Variants in PARD3B observed in about 807,000 individuals in gnomAD.
The protein encoded by PARD3B is par-3 family cell polarity regulator beta, also known as partitioning defective 3 homolog B.
A neutral mutation model predicts 130.2 loss-of-function variants in PARD3B; 103 were observed. The observed-to-expected ratio is 0.79, with a 90% CI of 0.67 to 0.93. The LOEUF is 0.93. Among genes scored for constraint, PARD3B ranks in the 40% least tolerant of loss-of-function variants. The pLI, the probability that PARD3B is intolerant of heterozygous loss-of-function variation, is 0.00. For missense variants in PARD3B, 1,609 were observed against 1,499.2 expected, an observed-to-expected ratio of 1.07 and a Z score of -1.21; for synonymous variants, 583 against 553.2, an observed-to-expected ratio of 1.05 and a Z score of -0.76.
chr2:205,140,886 A>T (rs992821152), intron 10 of PARD3B, among the ~76,000 whole-genome samples: 1 of 152,308 alleles, frequency 6.6e-6, no homozygotes, highest in Admixed American at 6.5e-5. Context: ...AGGCATCTGA[A>T]CATACAGTCT....
chr2:204,608,739 C>T (rs1318146344), intron 1 of PARD3B, among the ~76,000 whole-genome samples: 2 of 152,162 alleles, frequency 1.3e-5, no homozygotes, highest in Non-Finnish European at 2.9e-5. Flanking sequence ...CCCCCTCCTC[C>T]CTGCTCCTGC....
intron 21 of PARD3B, among the ~76,000 whole-genome samples, chr2:205,505,246 G>T (rs184978313): frequency 2.6e-5 from 4 of 151,912 alleles, no homozygotes; most frequent in Admixed American, 2.0e-4. Context: ...GTTGTGGGGT[G>T]GGGGGAGTGG....
chr2:205,411,474 G>A (rs1042945425), intron 19 of PARD3B, among the ~76,000 whole-genome samples: 1 of 152,116 alleles, frequency 6.6e-6, no homozygotes, highest in Non-Finnish European at 1.5e-5. Context: ...CAAGTCTCAT[G>A]TGTTAAATGA....
intron 18 of PARD3B, among the ~76,000 whole-genome samples, chr2:205,359,760 A>T (rs2044321565): frequency 6.6e-6 from 1 of 152,108 alleles, no homozygotes; most frequent in African/African-American, 2.4e-5. Context: ...CATATTATAT[A>T]GTATGTATAT....
intron 21 of PARD3B, among the ~76,000 whole-genome samples, chr2:205,528,477 G>A (rs1036921222): frequency 2.0e-4 from 30 of 151,902 alleles, no homozygotes; most frequent in African/African-American, 5.3e-4. Context: ...TCTTCTCTTC[G>A]TGTCAGACAT....
intron 20 of PARD3B, among the ~76,000 whole-genome samples, chr2:205,496,155 G>A (rs2049917179): frequency 2.0e-5 from 3 of 152,142 alleles, no homozygotes; most frequent in African/African-American, 7.2e-5. Context: ...TCACAAAGGT[G>A]TATGTCCCTC....
At chr2:204,584,605 CATA>C (rs1031019619) in intron 1 of PARD3B, among the ~76,000 whole-genome samples, 1 of 152,122 alleles carries the variant, frequency 6.6e-6, no homozygotes, top group Non-Finnish European at 1.5e-5. Context: ...ATTTTAAAAA[CATA>C]ATGATGTCTG....
At chr2:204,648,608 AT>A (rs1268574860) in intron 1 of PARD3B, among the ~76,000 whole-genome samples, 3 of 126,718 alleles carry the variant, frequency 2.4e-5, no homozygotes, top group Non-Finnish European at 4.8e-5. Flanking sequence ...ATATATTTAT[AT>A]TTATATATAC....
intron 18 of PARD3B, among the ~76,000 whole-genome samples, chr2:205,322,611 C>G (rs951790485): frequency 6.6e-6 from 1 of 151,966 alleles, no homozygotes; most frequent in African/African-American, 2.4e-5. Context: ...CTGAATTTGT[C>G]CATATAGCTA....
chr2:205,268,045 C>G lies in PARD3B; in HGVS notation c.2185+22223C>G, dbSNP rs1418997963. 6.6e-6 allele frequency among the ~76,000 whole-genome samples: 1 copy of G among 152,172 alleles called. No homozygotes were observed. Among genetic ancestry groups the G allele is most frequent in the Non-Finnish European group, 1.5e-5 (1 of 68,038 alleles). On this transcript the variant is annotated intron_variant, in intron 16 of 22. Coordinates refer to ENST00000406610, the MANE Select transcript of PARD3B (RefSeq NM_001302769.2). This position sits in a 1 kb window ranked among gnomAD's most constrained non-coding sequence, Gnocchi z 4.1. ...GGCTAAACTTCAGGCCTTCTCTCAT[C>G]CCAGGACCTTTAGCTAGTGAGCCCT...
intron 18 of PARD3B, among the ~76,000 whole-genome samples, chr2:205,362,245 T>C (rs2044416893): frequency 6.6e-6 from 1 of 152,228 alleles, no homozygotes; most frequent in Non-Finnish European, 1.5e-5. Context: ...GGTATTATTA[T>C]ACAATTAATG....
intron 4 of PARD3B, among the ~76,000 whole-genome samples, chr2:205,049,874 T>C (rs543103033): frequency 6.6e-6 from 1 of 152,304 alleles, no homozygotes; most frequent in African/African-American, 2.4e-5. Flanking sequence ...TTCCTCATAG[T>C]GTCCTCTGTG....
intron 14 of PARD3B, among the ~76,000 whole-genome samples, chr2:205,189,108 G>A (rs921425022): frequency 2.0e-5 from 3 of 152,126 alleles, no homozygotes; most frequent in Non-Finnish European, 4.4e-5. Flanking sequence ...TAACAGTTTA[G>A]ACAACATTGG....
At chr2:205,605,190 T>C (rs1335034226) in intron 22 of PARD3B, among the ~76,000 whole-genome samples, 1 of 152,222 alleles carries the variant, frequency 6.6e-6, no homozygotes, top group Non-Finnish European at 1.5e-5. Context: ...ATTACCCACC[T>C]TCTGAAGCCT....
At position 205,592,779 on chromosome 2, in the gene PARD3B, C is replaced by G. The variant is rs536357567; in HGVS notation, c.3261-22677C>G. On this transcript the variant is annotated intron_variant, in intron 22 of 22. Transcript: ENST00000406610. The surrounding 1 kb of genome is among the most constrained non-coding windows in gnomAD (Gnocchi z 4.5). The stretch of plus-strand genomic sequence containing the variant: ...GAAGAAGCGGCATCTGGAACAAGTA[C>G]AGATGGCCAAATCAAGAACCTTTCT... Among the ~76,000 whole-genome samples, 1 of 152,260 alleles carries G rather than the reference C, an allele frequency of 6.6e-6. No individual in the cohort carries two copies. The highest frequency in any genetic ancestry group is 2.4e-5 in the African/African-American group (1 of 41,474).
intron 4 of PARD3B, among the ~76,000 whole-genome samples, chr2:205,089,759 A>C (rs1232791074): frequency 6.6e-6 from 1 of 152,220 alleles, no homozygotes; most frequent in Non-Finnish European, 1.5e-5. Flanking sequence ...TGGATGTCCT[A>C]ACCATTACTG....
rs189202953 is a variant in PARD3B, at chr2:205,614,458, C to T, written c.3261-998C>T. ...GTGGCTCACGCCTGTAATCTCAGTA[C>T]TTTGGGATGCCGAGCCAGGCAGATC... On this transcript the variant is annotated intron_variant, in intron 22 of 22. Transcript: ENST00000406610. Among the ~76,000 whole-genome samples, 19 of 152,154 alleles carry T rather than the reference C, an allele frequency of 1.2e-4. No individual in the cohort carries two copies. The East Asian group carries it at 3.7e-3, about 29-fold the overall frequency.
chr2:204,592,334 A>T (rs1218258395), intron 1 of PARD3B, among the ~76,000 whole-genome samples: 1 of 152,266 alleles, frequency 6.6e-6, no homozygotes, highest in Non-Finnish European at 1.5e-5. Context: ...ATGTGAGCTT[A>T]TTTAACCCCT....
Position 205,124,329 on chromosome 2 carries a change from C to A in PARD3B, c.1168C>A (p.Pro390Thr). Residue 390 changes from proline to threonine, a missense_variant and splice_region_variant, in exon 9 of 23, where the codon CCT becomes ACT. Transcript: ENST00000406610. ...KKIKIDLKKG[P>T]EGLGFTVVTR... The stretch of plus-strand genomic sequence containing the variant: ...ATTTTCCTGTTCTTATACACTAGGC[C>A]CTGAAGGACTTGGTTTCACTGTGGT... The A allele has an allele frequency of 6.4e-7, 1 of 1,555,186 alleles. No homozygotes were observed.
Sources: allele counts gnomAD v4.1 joint callset (sites outside exome capture counted in the v4.1 genomes callset), GRCh38; gene constraint gnomAD v4.1.1; non-coding constraint Gnocchi (gnomAD v3.1); transcripts MANE v1.5; gene names NCBI Gene and HGNC (gene_info 2026-07-23, HGNC 2026-07-21).